The following TCF12 variants were observed in gnomAD, a reference collection of about 807,000 sequenced individuals.
The protein encoded by TCF12 is DNA-binding protein HTF4.
In TCF12, 45 loss-of-function variants were observed where a neutral mutation model predicts 86.0. That is an observed-to-expected ratio of 0.52 (90% CI 0.41 to 0.67). The LOEUF is 0.67. Among genes scored for constraint, TCF12 ranks in the 30% least tolerant of loss-of-function variants. The pLI, the probability that TCF12 is intolerant of heterozygous loss-of-function variation, is 0.00. For synonymous variants in TCF12, 330 were observed against 299.6 expected, an observed-to-expected ratio of 1.10 and a Z score of -1.05; for missense variants, 881 against 859.9, an observed-to-expected ratio of 1.02 and a Z score of -0.31.
intron 6 of TCF12, among the ~76,000 whole-genome samples, chr15:57,184,981 T>G (rs1321578916): frequency 6.6e-6 from 1 of 152,210 alleles, no homozygotes; most frequent in Non-Finnish European, 1.5e-5. Flanking sequence ...TGGAGACTAC[T>G]TCTCCTTTAG....
intron 3 of TCF12, among the ~76,000 whole-genome samples, chr15:56,932,308 GA>G (rs772434857): frequency 7.9e-5 from 12 of 152,160 alleles, no homozygotes; most frequent in Admixed American, 2.0e-4. Flanking sequence ...AATCAACAGT[GA>G]AATACATTTG....
At chr15:57,136,609 A>G (rs1157967861) in intron 5 of TCF12, among the ~76,000 whole-genome samples, 1 of 152,252 alleles carries the variant, frequency 6.6e-6, no homozygotes, top group Non-Finnish European at 1.5e-5. Context: ...CAAAGAAACA[A>G]TAAAATTTTC....
chr15:57,162,086 TAGA>T (rs1447883757), intron 5 of TCF12, among the ~76,000 whole-genome samples: 1 of 152,186 alleles, frequency 6.6e-6, no homozygotes, highest in Non-Finnish European at 1.5e-5. Context: ...AACCCTGTAT[TAGA>T]CTATCCCAGA....
chr15:57,193,944 A>G (rs887875626), intron 7 of TCF12, among the ~76,000 whole-genome samples: 9 of 152,226 alleles, frequency 5.9e-5, no homozygotes, highest in African/African-American at 1.9e-4. Context: ...GCATTTTTCC[A>G]TCTCCAGTCT....
intron 6 of TCF12, among the ~76,000 whole-genome samples, chr15:57,182,564 A>G (rs923371467): frequency 3.3e-5 from 5 of 152,130 alleles, no homozygotes; most frequent in African/African-American, 1.2e-4. Context: ...GCCTCATCTT[A>G]TGGATCATGA....
chr15:56,927,075 A>G (rs1315936834), intron 3 of TCF12, among the ~76,000 whole-genome samples: 13 of 152,162 alleles, frequency 8.5e-5, no homozygotes, highest in African/African-American at 3.1e-4. Context: ...AATTTGAGGG[A>G]TTGGCTTTCT....
At chr15:57,083,514 G>GA (rs1159077539) in intron 4 of TCF12, among the ~76,000 whole-genome samples, 1 of 151,754 alleles carries the variant, frequency 6.6e-6, no homozygotes, top group Non-Finnish European at 1.5e-5. Context: ...ATAGGCAAAT[G>GA]AAAAAAATAC....
chr15:57,097,265 T>A (rs2049389901), intron 5 of TCF12, among the ~76,000 whole-genome samples: 1 of 152,048 alleles, frequency 6.6e-6, no homozygotes, highest in African/African-American at 2.4e-5. Flanking sequence ...TTTGGCTTAG[T>A]GGGGTGGCTC....
At chr15:57,212,701 T>G (rs2058164381) in intron 8 of TCF12, among the ~76,000 whole-genome samples, 1 of 152,140 alleles carries the variant, frequency 6.6e-6, no homozygotes, top group African/African-American at 2.4e-5. Flanking sequence ...TAATAAAATG[T>G]TTTATTAGTG....
intron 6 of TCF12, among the ~76,000 whole-genome samples, chr15:57,168,567 A>G (rs1158295303): frequency 6.6e-6 from 1 of 152,188 alleles, no homozygotes; most frequent in East Asian, 1.9e-4. Flanking sequence ...ATCAGAACTC[A>G]TTCTTTTTTA....
Position 57,234,028 on chromosome 15 carries a change from C to T in TCF12, c.971-15C>T. The stretch of plus-strand genomic sequence containing the variant: ...CTTGTAAAATTCTTGATTTATTTCT[C>T]TATGAAATATCCAGGAACCAGAGGG... On this transcript the variant is annotated splice_polypyrimidine_tract_variant and intron_variant, in intron 11 of 20. Coordinates refer to ENST00000333725, the MANE Select transcript of TCF12 (RefSeq NM_207037.2). The T allele has an allele frequency of 6.2e-7, 1 of 1,609,438 alleles. No homozygotes were observed. Among genetic ancestry groups the T allele is most frequent in the South Asian group, 1.1e-5 (1 of 90,956 alleles).
intron 3 of TCF12, among the ~76,000 whole-genome samples, chr15:56,948,997 C>T (rs1410029989): frequency 6.6e-6 from 1 of 152,130 alleles, no homozygotes. Flanking sequence ...TTTTGGGTGA[C>T]TATGCATGAG....
At chr15:57,035,078 A>G (rs1020139375) in intron 3 of TCF12, among the ~76,000 whole-genome samples, 25 of 152,112 alleles carry the variant, frequency 1.6e-4, no homozygotes, top group African/African-American at 5.6e-4. Flanking sequence ...TAATACTTTT[A>G]TGTGTATTTA....
intron 4 of TCF12, among the ~76,000 whole-genome samples, chr15:57,082,887 T>A (rs1390981215): frequency 6.6e-6 from 1 of 152,118 alleles, no homozygotes; most frequent in African/African-American, 2.4e-5. Context: ...ACAACCTTAT[T>A]TGTAATAGGG....
chr15:56,940,740 T>G, intron 3 of TCF12, among the ~76,000 whole-genome samples: 1 of 79,146 alleles, frequency 1.3e-5, no homozygotes, highest in Non-Finnish European at 2.2e-5. Flanking sequence ...CTCCCCCCCC[T>G]TCTCCTCCTT....
At chr15:56,978,599 T>C (rs538194253) in intron 3 of TCF12, among the ~76,000 whole-genome samples, 1 of 152,354 alleles carries the variant, frequency 6.6e-6, no homozygotes, top group South Asian at 2.1e-4. Context: ...AATATTTTTA[T>C]TCCATTATTT....
intron 3 of TCF12, among the ~76,000 whole-genome samples, chr15:56,939,406 C>G (rs369744479): frequency 1.4e-4 from 21 of 151,640 alleles, no homozygotes; most frequent in East Asian, 9.7e-4. Flanking sequence ...AGTTTTAACC[C>G]TATAATTAAA....
intron 6 of TCF12, among the ~76,000 whole-genome samples, chr15:57,179,569 G>T (rs990973770): frequency 6.6e-6 from 1 of 151,872 alleles, no homozygotes; most frequent in South Asian, 2.1e-4. Flanking sequence ...GGCTGATTTC[G>T]TTGGCAGGAT....
intron 19 of TCF12, among the ~76,000 whole-genome samples, chr15:57,275,173 G>C (rs2061322018): frequency 6.6e-6 from 1 of 152,200 alleles, no homozygotes; most frequent in African/African-American, 2.4e-5. Flanking sequence ...TTTGACTGAT[G>C]AGAGTTTGAA....
Sources: gnomAD v4.1 joint callset for allele counts (sites outside exome capture counted in the v4.1 genomes callset) on GRCh38, gnomAD v4.1.1 for gene constraint, MANE v1.5 for transcripts, NCBI Gene and HGNC (gene_info 2026-07-23, HGNC 2026-07-21) for gene names.